The following MCPH1 variants were observed in gnomAD, a reference collection of about 807,000 sequenced individuals.
The protein encoded by MCPH1 is microcephalin.
A neutral mutation model predicts 84.5 loss-of-function variants in MCPH1; 104 were observed. The observed-to-expected ratio is 1.23, with a 90% CI of 1.05 to 1.45. The LOEUF is 1.45. Among genes scored for constraint, MCPH1 ranks in the 40% most tolerant of loss-of-function variants. The pLI, the probability that MCPH1 is intolerant of heterozygous loss-of-function variation, is 0.00. For synonymous variants in MCPH1, 514 were observed against 366.8 expected, an observed-to-expected ratio of 1.40 and a Z score of -4.58; for missense variants, 1,498 against 1,005.7, an observed-to-expected ratio of 1.49 and a Z score of -6.62.
intron 12 of MCPH1, among the ~76,000 whole-genome samples, chr8:6,524,705 A>G (rs955206674): frequency 8.5e-5 from 13 of 152,252 alleles, no homozygotes; most frequent in Non-Finnish European, 1.8e-4. Context: ...TGGTCTTCAC[A>G]TCATCAAGCT....
chr8:6,630,369 T>C (rs989693972), intron 13 of MCPH1, among the ~76,000 whole-genome samples: 4 of 152,220 alleles, frequency 2.6e-5, no homozygotes, highest in African/African-American at 4.8e-5. Context: ...ATGAACAATT[T>C]AATACCAATA....
At chr8:6,598,787 G>A (rs1425677191) in intron 12 of MCPH1, among the ~76,000 whole-genome samples, 2 of 152,218 alleles carry the variant, frequency 1.3e-5, no homozygotes, top group Non-Finnish European at 2.9e-5. Context: ...CCCGAAAGGC[G>A]CCCTAACACT....
chr8:6,512,752 T>C (rs926414224), intron 12 of MCPH1, among the ~76,000 whole-genome samples: 1 of 152,230 alleles, frequency 6.6e-6, no homozygotes, highest in African/African-American at 2.4e-5. Context: ...AGGCAGAAAG[T>C]AAATTCCCAG....
chr8:6,477,595 C>G lies in MCPH1; in HGVS notation c.1937C>G (p.Pro646Arg), dbSNP rs1403723725. The change falls in exon 10 of 14, where the codon CCA becomes CGA. Residue 646 changes from proline (P) to arginine (R), a missense_variant and splice_region_variant. Coordinates refer to ENST00000344683, the MANE Select transcript of MCPH1 (RefSeq NM_024596.5). ...ELKKSGRGKK[P>R]TRTLVMTSMP... ...TTCCTTCTTGTTTGAAATCTCTAGC[C>G]AACAAGAACATTAGTCATGACAAGC... 3 of 1,612,272 alleles carry G rather than the reference C, an allele frequency of 1.9e-6. No individual in the cohort carries two copies. Among genetic ancestry groups the G allele is most frequent in the Admixed American group, 1.7e-5 (1 of 60,000 alleles).
rs79491839 is a variant in MCPH1 at position 6,610,856 on chromosome 8, C to G, written c.2215-10598C>G. 9.4e-3 allele frequency among the ~76,000 whole-genome samples: 1,422 copies of G among 152,068 alleles called. 14 individuals are homozygous for G. Among genetic ancestry groups the G allele is most frequent in the Non-Finnish European group, 0.014 (960 of 67,972 alleles). ...TTCTTCCAGAAAAAAAAAAACCTTTCTTGTTCTTTCAAGAACTGTTTCACG... is the reference window on the plus strand; with the variant it reads ...TTCTTCCAGAAAAAAAAAAACCTTTGTTGTTCTTTCAAGAACTGTTTCACG... On this transcript the variant is annotated intron_variant, in intron 12 of 13. Coordinates refer to ENST00000344683, the MANE Select transcript of MCPH1 (RefSeq NM_024596.5).
At chr8:6,486,383 C>G (rs570366211) in intron 11 of MCPH1, among the ~76,000 whole-genome samples, 8 of 152,028 alleles carry the variant, frequency 5.3e-5, no homozygotes, top group Non-Finnish European at 1.0e-4. Context: ...TTCTCTTTGG[C>G]TAGCAGTATA....
chr8:6,497,498 T>TA (rs1363693049), intron 11 of MCPH1, among the ~76,000 whole-genome samples: 2 of 151,594 alleles, frequency 1.3e-5, no homozygotes, highest in South Asian at 2.1e-4. Flanking sequence ...GAAGACTGTC[T>TA]AAAAAAAATA....
intron 13 of MCPH1, chr8:6,634,844 T>C (rs774656807): frequency 3.3e-5 from 5 of 152,188 alleles, no homozygotes; most frequent in Non-Finnish European, 7.3e-5. Context: ...GTAACCAGGG[T>C]ATCTTTAGAT....
chr8:6,643,990 C>T lies in MCPH1; in HGVS notation c.*941C>T. 1 of 152,226 alleles carries T rather than the reference C, an allele frequency of 6.6e-6. No individual in the cohort carries two copies. Among genetic ancestry groups the T allele is most frequent in the East Asian group, 1.9e-4 (1 of 5,196 alleles). The allele number at this position is 152,226 out of a possible 1,614,324, so 9.4% of individuals were successfully genotyped here. ...TTGTGGCTGAGCACGGTGGCTCACA[C>T]CTGTCATCCCAGCCCTTTGGGAGGC... On this transcript the variant is annotated 3_prime_UTR_variant, in exon 14 of 14. Coordinates refer to ENST00000344683, the MANE Select transcript of MCPH1 (RefSeq NM_024596.5).
intron 9 of MCPH1, among the ~76,000 whole-genome samples, chr8:6,463,209 G>C (rs1806477107): frequency 6.6e-6 from 1 of 152,150 alleles, no homozygotes; most frequent in African/African-American, 2.4e-5. Context: ...ATTGTGCTCT[G>C]TCATCTCCCC....
At chr8:6,584,418 A>G (rs1470657941) in intron 12 of MCPH1, among the ~76,000 whole-genome samples, 1 of 152,224 alleles carries the variant, frequency 6.6e-6, no homozygotes. Flanking sequence ...GACACAGCAG[A>G]TGGAGATTAT....
At chr8:6,597,893 G>C (rs1200210324) in intron 12 of MCPH1, among the ~76,000 whole-genome samples, 1 of 152,124 alleles carries the variant, frequency 6.6e-6, no homozygotes, top group Non-Finnish European at 1.5e-5. Flanking sequence ...GAAGAAACGT[G>C]AGCTCTCCAA....
rs1347822483 is a variant in MCPH1 at position 6,646,950 on chromosome 8, G to C, written c.*3901G>C. On this transcript the variant is annotated 3_prime_UTR_variant, in exon 14 of 14. Transcript: ENST00000344683. ...AAGGCATAATTCATTAAAAAAATAA[G>C]TTGGGCTTTGTCAAAATTTTAAGTT... The C allele has an allele frequency of 1.3e-5, 2 of 151,870 alleles. No individual in the cohort carries two copies. The highest frequency in any genetic ancestry group is 2.9e-5 in the Non-Finnish European group (2 of 68,002). 9.4% of individuals were successfully genotyped at this position (151,870 alleles called of 1,614,324 possible). A position where few individuals can be genotyped will look rare whatever the true frequency, so the allele number is the denominator to read the frequency against.
chr8:6,567,206 G>A lies in MCPH1; in HGVS notation c.2215-54248G>A, dbSNP rs75445094. On this transcript the variant is annotated intron_variant, in intron 12 of 13. Coordinates refer to ENST00000344683, the MANE Select transcript of MCPH1 (RefSeq NM_024596.5). ...ATCAGCAAGGCCATGGATAGTGCAC[G>A]TGGTGCGGTGACCGTGTGTGATCGG... is the stretch of plus-strand genomic sequence containing the variant. 5.6e-3 allele frequency among the ~76,000 whole-genome samples: 823 copies of A among 147,176 alleles called. 26 individuals carry two copies. The highest frequency in any genetic ancestry group is 0.054 in the East Asian group (264 of 4,896).
At chr8:6,454,984 A>C (rs996299938) in intron 8 of MCPH1, among the ~76,000 whole-genome samples, 159 bp from the exon 9 acceptor site, 1 of 152,244 alleles carries the variant, frequency 6.6e-6, no homozygotes, top group Non-Finnish European at 1.5e-5. Context: ...TAATAAACTG[A>C]AAGTTCTAGA....
chr8:6,472,039 C>T (rs1428358068), intron 9 of MCPH1, among the ~76,000 whole-genome samples: 7 of 151,974 alleles, frequency 4.6e-5, no homozygotes, highest in Non-Finnish European at 8.8e-5. Context: ...AGAGTCAACC[C>T]AAAAAAGTTC....
intron 12 of MCPH1, among the ~76,000 whole-genome samples, chr8:6,597,794 T>A (rs1349610528): frequency 6.6e-6 from 1 of 152,224 alleles, no homozygotes; most frequent in Non-Finnish European, 1.5e-5. Flanking sequence ...GAATATGGTC[T>A]ACTGTCCTTC....
intron 3 of MCPH1, among the ~76,000 whole-genome samples, chr8:6,423,835 A>C (rs2920687): frequency 0.014 from 2,194 of 152,322 alleles, 49 homozygotes; most frequent in African/African-American, 0.045. Flanking sequence ...CATGTTTCCC[A>C]ATACCTTTGC....
intron 12 of MCPH1, chr8:6,513,546 G>C: frequency 1.7e-6 from 1 of 580,596 alleles, no homozygotes; most frequent in South Asian, 2.7e-5. Context: ...TGTTTGCCAG[G>C]ATGGTCTCAA....
Sources: gnomAD v4.1 joint callset for allele counts (sites outside exome capture counted in the v4.1 genomes callset) on GRCh38, gnomAD v4.1.1 for gene constraint, MANE v1.5 for transcripts, NCBI Gene and HGNC (gene_info 2026-07-23, HGNC 2026-07-21) for gene names.